The following CPEB1 variants were observed in gnomAD, a reference collection of about 807,000 sequenced individuals.
The protein encoded by CPEB1 is cytoplasmic polyadenylation element-binding protein 1.
CPEB1 carries 7 observed loss-of-function variants against 65.8 expected under a neutral mutation model. The observed-to-expected ratio is 0.11, with a 90% CI of 0.06 to 0.20. CPEB1 has a LOEUF of 0.20. Ranked by LOEUF, CPEB1 falls within the 10% of genes least tolerant of loss-of-function variation. The pLI is 1.00. For synonymous variants in CPEB1, 262 were observed against 260.0 expected (o/e 1.01, Z -0.08); for missense variants, 551 against 712.2 (o/e 0.77, Z 2.58).
intron 3 of CPEB1, among the ~76,000 whole-genome samples, chr15:82,574,149 G>T (rs1434038848): frequency 6.6e-6 from 1 of 152,214 alleles, no homozygotes; most frequent in East Asian, 1.9e-4. Flanking sequence ...CCCCACCACA[G>T]ACCTCACCTT....
intron 10 of CPEB1, among the ~76,000 whole-genome samples, chr15:82,547,979 G>A (rs750601868): frequency 5.9e-5 from 9 of 152,142 alleles, no homozygotes; most frequent in African/African-American, 2.2e-4. Context: ...CAGCCCTTAT[G>A]TAACTTTAAA....
intron 5 of CPEB1, among the ~76,000 whole-genome samples, chr15:82,557,017 A>G (rs2037328050): frequency 1.3e-5 from 2 of 152,246 alleles, no homozygotes; most frequent in Admixed American, 6.5e-5. Flanking sequence ...CTTATAAGGC[A>G]TCTGAAACTG....
intron 1 of CPEB1, among the ~76,000 whole-genome samples, chr15:82,641,178 G>C (rs1004443957): frequency 2.6e-5 from 4 of 152,070 alleles, no homozygotes; most frequent in African/African-American, 7.2e-5. Flanking sequence ...GTTATATGTA[G>C]GAGACAGGTC....
At chr15:82,548,007 T>C (rs745763707) in intron 10 of CPEB1, among the ~76,000 whole-genome samples, 24 of 152,204 alleles carry the variant, frequency 1.6e-4, no homozygotes, top group Non-Finnish European at 3.1e-4. Context: ...GTAGTCACAC[T>C]GAAATTTTAA....
intron 3 of CPEB1, among the ~76,000 whole-genome samples, chr15:82,614,745 A>AC (rs778197075): frequency 1.3e-5 from 2 of 152,042 alleles, no homozygotes; most frequent in Non-Finnish European, 1.5e-5. Flanking sequence ...AAAGAAAGAA[A>AC]GAAACGAAAC....
chr15:82,607,065 T>C (rs768334367), intron 3 of CPEB1, among the ~76,000 whole-genome samples: 1 of 152,000 alleles, frequency 6.6e-6, no homozygotes, highest in Non-Finnish European at 1.5e-5. Context: ...TAGGATTTTA[T>C]ACTAGAAAAT....
intron 3 of CPEB1, among the ~76,000 whole-genome samples, chr15:82,611,685 A>C (rs1216663078): frequency 6.6e-6 from 1 of 152,070 alleles, no homozygotes; most frequent in African/African-American, 2.4e-5. Context: ...AGATCACTTG[A>C]GCCCAAGAAA....
intron 3 of CPEB1, among the ~76,000 whole-genome samples, chr15:82,601,695 A>T (rs1043882556): frequency 3.9e-5 from 6 of 152,240 alleles, no homozygotes; most frequent in Non-Finnish European, 2.9e-5. Flanking sequence ...ACATGAGAAA[A>T]GATATGCCAT....
intron 4 of CPEB1, among the ~76,000 whole-genome samples, chr15:82,559,558 A>G (rs541987580): frequency 6.6e-6 from 1 of 152,258 alleles, no homozygotes; most frequent in East Asian, 1.9e-4. Context: ...CAATCTTTTT[A>G]TATCTAGCCA....
Position 82,645,301 on chromosome 15 carries a change from C to G in CPEB1, c.-98+1836G>C, listed in dbSNP as rs587671483. Among the ~76,000 whole-genome samples the G allele has an allele frequency of 8.5e-5, 13 of 152,214 alleles. 1 individual carries two copies. In the South Asian group the frequency reaches 2.7e-3, roughly 32 times the overall value. ...CCAAGTAGCTTCGATTATAGGCGCC[C>G]ACCACCATGCCCGGCTAATTTTTGT... On this transcript the variant is annotated intron_variant, in intron 1 of 12. Transcript: ENST00000684509.
At chr15:82,632,010 CTCGT>C (rs1409016370) in intron 1 of CPEB1, among the ~76,000 whole-genome samples, 2 of 118,942 alleles carry the variant, frequency 1.7e-5, no homozygotes, top group African/African-American at 6.6e-5. Flanking sequence ...GAGACGGAGT[CTCGT>C]TCTGTCGCCC....
chr15:82,634,762 G>A (rs1242356879), intron 1 of CPEB1, among the ~76,000 whole-genome samples: 1 of 111,814 alleles, frequency 8.9e-6, no homozygotes, highest in African/African-American at 3.9e-5. Context: ...TGAACATTTA[G>A]ACTTTTTTAA....
chr15:82,550,907 A>G (rs2036129005), intron 9 of CPEB1, among the ~76,000 whole-genome samples: 1 of 97,920 alleles, frequency 1.0e-5, no homozygotes, highest in Admixed American at 9.3e-5. Flanking sequence ...AGAAAGATTA[A>G]ATCCCTGTAA....
At position 82,628,528 on chromosome 15, in the gene CPEB1, C is replaced by G. The variant is rs1412770082; in HGVS notation, c.-69G>C. 1 of 690,800 alleles carries G rather than the reference C, an allele frequency of 1.4e-6. No homozygotes were observed. Among genetic ancestry groups the G allele is most frequent in the African/African-American group, 1.8e-5 (1 of 56,896 alleles). 42.8% of individuals were successfully genotyped at this position (690,800 alleles called of 1,614,324 possible). Reference sequence around the variant, plus strand: ...GCTGCTTTTGACTTCTTTTACAATACAGACCCTTCTATTACACAGGCACTG... The same window carrying G: ...GCTGCTTTTGACTTCTTTTACAATAGAGACCCTTCTATTACACAGGCACTG... On this transcript the variant is annotated 5_prime_UTR_variant, in exon 2 of 13. Transcript: ENST00000684509.
chr15:82,566,885 C>G (rs960719628), intron 4 of CPEB1, among the ~76,000 whole-genome samples: 1 of 152,062 alleles, frequency 6.6e-6, no homozygotes, highest in Non-Finnish European at 1.5e-5. Flanking sequence ...CTAGAAGCTA[C>G]AGGGCCCAAG....
intron 1 of CPEB1, among the ~76,000 whole-genome samples, chr15:82,639,102 C>T (rs1177971473): frequency 2.0e-5 from 3 of 152,216 alleles, no homozygotes; most frequent in African/African-American, 7.2e-5. Context: ...ATGGACCTAG[C>T]TTGGAGAACT....
chr15:82,637,768 C>G (rs933533842), intron 1 of CPEB1, among the ~76,000 whole-genome samples: 1 of 152,178 alleles, frequency 6.6e-6, no homozygotes, highest in Non-Finnish European at 1.5e-5. Context: ...CTCCAGAGGG[C>G]AGTGGTCCAC....
At chr15:82,601,560 T>G (rs2043122910) in intron 3 of CPEB1, among the ~76,000 whole-genome samples, 1 of 151,988 alleles carries the variant, frequency 6.6e-6, no homozygotes, top group Non-Finnish European at 1.5e-5. Context: ...ACAAAAAAAT[T>G]TTTTTTCTAT....
At chr15:82,602,773 G>A (rs2043231318) in intron 3 of CPEB1, among the ~76,000 whole-genome samples, 1 of 152,128 alleles carries the variant, frequency 6.6e-6, no homozygotes, top group Non-Finnish European at 1.5e-5. Context: ...TTGAACCCGG[G>A]AGGCGGAGGT....
Sources: allele counts gnomAD v4.1 joint callset (sites outside exome capture counted in the v4.1 genomes callset), GRCh38; gene constraint gnomAD v4.1.1; transcripts MANE v1.5; gene names NCBI Gene and HGNC (gene_info 2026-07-23, HGNC 2026-07-21).